The following PCDHGA1 variants were observed in gnomAD, a reference collection of about 807,000 sequenced individuals.
PCDHGA1 encodes protocadherin gamma-A1.
PCDHGA1 carries 32 observed loss-of-function variants against 58.0 expected under a neutral mutation model. The ratio of observed to expected loss-of-function variants is 0.55; its 90% CI spans 0.42 to 0.74. PCDHGA1 has a LOEUF of 0.74. PCDHGA1 is among the 30% of genes least tolerant of loss of function. The pLI, the probability that PCDHGA1 is intolerant of heterozygous loss-of-function variation, is 0.00. For synonymous variants in PCDHGA1, 498 were observed against 501.1 expected, an observed-to-expected ratio of 0.99 and a Z score of 0.08; for missense variants, 1,205 against 1,182.3, an observed-to-expected ratio of 1.02 and a Z score of -0.28.
chr5:141,500,394 A>G (rs1024641290), intron 2 of PCDHGA1, among the ~76,000 whole-genome samples: 1 of 151,922 alleles, frequency 6.6e-6, no homozygotes, highest in Non-Finnish European at 1.5e-5. Flanking sequence ...TATTTTTAGT[A>G]GAGACGGGGT....
At chr5:141,347,222 C>T (rs574575548) in intron 1 of PCDHGA1, among the ~76,000 whole-genome samples, 8 of 145,762 alleles carry the variant, frequency 5.5e-5, no homozygotes, top group African/African-American at 1.0e-4. Context: ...GGCATGATCA[C>T]GGCTCACTGC....
At chr5:141,398,746 T>TAC in intron 1 of PCDHGA1, 1 of 1,613,420 alleles carries the variant, frequency 6.2e-7, no homozygotes, top group South Asian at 1.1e-5. Context: ...ACAACAGAGT[T>TAC]ACCATCGTTT....
chr5:141,410,206 G>T (rs774541712), intron 1 of PCDHGA1: 2 of 1,614,026 alleles, frequency 1.2e-6, no homozygotes, highest in South Asian at 1.1e-5. Context: ...CAGACAACTT[G>T]CAAGAGATAC....
At chr5:141,362,594 T>C in intron 1 of PCDHGA1, 1 of 1,586,338 alleles carries the variant, frequency 6.3e-7, no homozygotes. Context: ...TCTGGTTTTA[T>C]TGTTTCACCT....
At chr5:141,408,889 A>T in intron 1 of PCDHGA1, 3 of 1,613,232 alleles carry the variant, frequency 1.9e-6, no homozygotes, top group Non-Finnish European at 2.5e-6. Flanking sequence ...CTCACATAGA[A>T]ATTTCTGTCA....
In PCDHGA1 at chr5:141,432,627, C is replaced by G. The variant is rs886117102; in HGVS notation, c.2422-62180C>G. On this transcript the variant is annotated intron_variant, in intron 1 of 3. Transcript: ENST00000517417. This position sits in a 1 kb window ranked among gnomAD's most constrained non-coding sequence, Gnocchi z 6.0. The stretch of plus-strand genomic sequence containing the variant: ...GGACTCTTCTCGGTGGGTCTGCACA[C>G]GGGCGAGGTGCGCACGGCGCGAGCC... The G allele has an allele frequency of 1.2e-6, 2 of 1,613,652 alleles. No individual in the cohort carries two copies. The highest frequency in any genetic ancestry group is 2.7e-5 in the African/African-American group (2 of 74,886).
chr5:141,478,326 C>T, intron 1 of PCDHGA1: 1 of 1,613,950 alleles, frequency 6.2e-7, no homozygotes, highest in Admixed American at 1.7e-5. Flanking sequence ...CTGTACCGAA[C>T]ACCAGGGCCC....
chr5:141,403,262 G>C (rs1162911439), intron 1 of PCDHGA1: 1 of 1,613,868 alleles, frequency 6.2e-7, no homozygotes, highest in Middle Eastern at 1.6e-4. Context: ...GCGGTGTCTG[G>C]TGAACTTTAA....
At position 141,347,504 on chromosome 5, in the gene PCDHGA1, G is replaced by A. The variant is rs144302503; in HGVS notation, c.2421+14399G>A. 9.9e-5 allele frequency among the ~76,000 whole-genome samples: 15 copies of A among 152,126 alleles called. No homozygotes were observed. In the East Asian group the frequency reaches 1.6e-3, roughly 16 times the overall value. On this transcript the variant is annotated intron_variant, in intron 1 of 3. Transcript: ENST00000517417. ...ATAAAAATTGGAGAACAAAAATGTAGAGGCTGGGTGCAGTGGCTCATGCTG... is the reference window on the plus strand; with the variant it reads ...ATAAAAATTGGAGAACAAAAATGTAAAGGCTGGGTGCAGTGGCTCATGCTG...
chr5:141,357,544 CG>C (rs1561515163), intron 1 of PCDHGA1: 1 of 1,614,176 alleles, frequency 6.2e-7, no homozygotes, highest in Non-Finnish European at 8.5e-7. Flanking sequence ...GCTCATCAGC[CG>C]GGAGAGTTGT....
At chr5:141,447,798 A>G (rs2098551922) in intron 1 of PCDHGA1, among the ~76,000 whole-genome samples, 2 of 152,230 alleles carry the variant, frequency 1.3e-5, no homozygotes, top group Admixed American at 1.3e-4. Context: ...TTAAGAAAAT[A>G]AAATTGGCTG....
chr5:141,403,273 A>C, intron 1 of PCDHGA1: 1 of 1,613,886 alleles, frequency 6.2e-7, no homozygotes, highest in African/African-American at 1.3e-5. Context: ...TGAACTTTAA[A>C]GTCCTGGTTG....
chr5:141,337,110 TAAAAG>T (rs56061801), intron 1 of PCDHGA1, among the ~76,000 whole-genome samples: 3 of 151,008 alleles, frequency 2.0e-5, no homozygotes, highest in African/African-American at 4.9e-5. Flanking sequence ...ATTGCTGTCA[TAAAAG>T]AAAAGAAAAG....
intron 1 of PCDHGA1, among the ~76,000 whole-genome samples, chr5:141,407,382 A>G (rs1158380926): frequency 6.6e-6 from 1 of 152,218 alleles, no homozygotes; most frequent in Non-Finnish European, 1.5e-5. Context: ...GAAGGCTTGT[A>G]TGTCATGGTA....
chr5:141,510,958 G>A lies in PCDHGA1; in HGVS notation c.2581G>A (p.Gly861Arg). 6.2e-7 allele frequency: 1 copy of A among 1,614,130 alleles called. No homozygotes were observed. Among genetic ancestry groups the A allele is most frequent in the Non-Finnish European group, 8.5e-7 (1 of 1,180,012 alleles). The change falls in exon 4 of 4, where the codon GGG becomes AGG. Residue 861 changes from glycine to arginine, a missense_variant. Transcript: ENST00000517417. The stretch of plus-strand genomic sequence containing the variant: ...CTCTGTCTCTGCAGAAGCTGCTGAT[G>A]GGAGCTCCACCCTGGGAGGGGGTGC... ...ILASASEAAD[G>R]SSTLGGGAGT...
At chr5:141,510,910 A>T (rs780792326) in intron 3 of PCDHGA1, 37 bp from the exon 4 acceptor site, 1 of 1,613,740 alleles carries the variant, frequency 6.2e-7, no homozygotes, top group East Asian at 2.2e-5. Flanking sequence ...GAGGACCCTA[A>T]GTTTAGCTCC....
intron 1 of PCDHGA1, chr5:141,388,977 G>A (rs1299469066): frequency 6.2e-7 from 1 of 1,613,990 alleles, no homozygotes; most frequent in African/African-American, 1.3e-5. Context: ...AACACATATT[G>A]CTTTGCTCAA....
chr5:141,385,638 T>A, intron 1 of PCDHGA1: 1 of 831,764 alleles, frequency 1.2e-6, no homozygotes, highest in Non-Finnish European at 1.5e-6. Context: ...ATCGAGTCTT[T>A]CATATTGCAC....
intron 1 of PCDHGA1, chr5:141,341,482 A>G: frequency 6.3e-7 from 1 of 1,576,738 alleles, no homozygotes; most frequent in Non-Finnish European, 8.6e-7. Context: ...TGTTCCCCAT[A>G]TTTCCTTGAG....
Sources: gnomAD v4.1 joint callset for allele counts (sites outside exome capture counted in the v4.1 genomes callset) on GRCh38, gnomAD v4.1.1 for gene constraint, Gnocchi (gnomAD v3.1) non-coding constraint, MANE v1.5 for transcripts, NCBI Gene and HGNC (gene_info 2026-07-23, HGNC 2026-07-21) for gene names.